MTHFD2L: variants seen among roughly 807,000 people sequenced by gnomAD.
MTHFD2L encodes methylenetetrahydrofolate dehydrogenase (NADP+ dependent) 2 like.
A neutral mutation model predicts 34.9 loss-of-function variants in MTHFD2L; 29 were observed. The ratio of observed to expected loss-of-function variants is 0.83; its 90% CI spans 0.62 to 1.13. MTHFD2L has a LOEUF of 1.13. Ranked by LOEUF, MTHFD2L falls within the 50% of genes most tolerant of loss-of-function variation. The pLI is 0.00. For synonymous variants in MTHFD2L, 167 were observed against 155.7 expected (o/e 1.07, Z -0.54); for missense variants, 481 against 446.5 (o/e 1.08, Z -0.70).
intron 2 of MTHFD2L, among the ~76,000 whole-genome samples, chr4:74,115,096 T>C (rs1331853769): frequency 6.6e-6 from 1 of 152,108 alleles, no homozygotes; most frequent in African/African-American, 2.4e-5. Flanking sequence ...GAAATGATGG[T>C]ATTAGGGGGA....
chr4:74,158,289 G>A lies in MTHFD2L; in HGVS notation c.143+8G>A. The stretch of plus-strand genomic sequence containing the variant: ...TCGGAGCAGCGGTGTGAGGTACGAG[G>A]GCTGCGGGCGCCGGGTGCGGAGCCG... On this transcript the variant is annotated splice_region_variant and intron_variant, in intron 1 of 7. Coordinates refer to ENST00000325278, the MANE Select transcript of MTHFD2L (RefSeq NM_001144978.3). The A allele has an allele frequency of 7.7e-7, 1 of 1,304,596 alleles. No homozygotes were observed. Among genetic ancestry groups the A allele is most frequent in the Non-Finnish European group, 9.7e-7 (1 of 1,026,054 alleles). The allele number at this position is 1,304,596 out of a possible 1,614,324, so 80.8% of individuals were successfully genotyped here.
chr4:74,206,414 G>A (rs1035028207), intron 5 of MTHFD2L, among the ~76,000 whole-genome samples: 2 of 152,088 alleles, frequency 1.3e-5, no homozygotes, highest in Non-Finnish European at 2.9e-5. Context: ...TCCAGACTTA[G>A]TCTGTCTGTC....
chr4:74,139,396 G>A (rs1723146397), intron 1 of MTHFD2L, among the ~76,000 whole-genome samples: 1 of 152,184 alleles, frequency 6.6e-6, no homozygotes, highest in Non-Finnish European at 1.5e-5. Context: ...CCAGGGCTAG[G>A]GATGGTAGTG....
chr4:74,302,906 A>G lies in MTHFD2L; in HGVS notation c.*1097A>G, dbSNP rs2078520315. ...ATATATATGAATGTCGTTGAAGTCT[A>G]TTTTGAGACTGCTAAAGCTATTAAT... On this transcript the variant is annotated 3_prime_UTR_variant, in exon 8 of 8. Coordinates refer to ENST00000325278, the MANE Select transcript of MTHFD2L (RefSeq NM_001144978.3). 1 of 152,128 alleles carries G rather than the reference A, an allele frequency of 6.6e-6. No individual in the cohort carries two copies. The highest frequency in any genetic ancestry group is 1.5e-5 in the Non-Finnish European group (1 of 68,000). 9.4% of individuals were successfully genotyped at this position (152,128 alleles called of 1,614,324 possible).
intron 6 of MTHFD2L, among the ~76,000 whole-genome samples, chr4:74,280,897 A>C (rs1747370735): frequency 6.6e-6 from 1 of 152,140 alleles, no homozygotes; most frequent in Non-Finnish European, 1.5e-5. Flanking sequence ...ATGAGATGCC[A>C]TTATGAGTAT....
intron 5 of MTHFD2L, among the ~76,000 whole-genome samples, chr4:74,203,424 C>T (rs1444913313): frequency 6.6e-6 from 1 of 152,098 alleles, no homozygotes; most frequent in Non-Finnish European, 1.5e-5. Context: ...TTAGTCTGTT[C>T]TTGCATTGCT....
At chr4:74,165,208 TTA>T (rs1470279061) in intron 1 of MTHFD2L, 1 of 155,890 alleles carries the variant, frequency 6.4e-6, no homozygotes, top group African/African-American at 2.4e-5. Context: ...ATTTATATCC[TTA>T]TGTGTTAAAA....
At position 74,282,094 on chromosome 4, in the gene MTHFD2L, G is replaced by A. The variant is rs1348191503; in HGVS notation, c.931+544G>A. On this transcript the variant is annotated intron_variant, in intron 7 of 7. Transcript: ENST00000325278. ...GCTAAAGTTTTTGTGGTCGATGAAA[G>A]ATACAAGGCAACAAATATGTAGTAG... 2.0e-5 allele frequency among the ~76,000 whole-genome samples: 3 copies of A among 152,122 alleles called. 1 individual carries two copies. The East Asian group carries it at 5.8e-4, about 30-fold the overall frequency.
chr4:74,289,827 G>A (rs536662595), intron 7 of MTHFD2L, among the ~76,000 whole-genome samples: 2 of 152,226 alleles, frequency 1.3e-5, no homozygotes, highest in African/African-American at 4.8e-5. Flanking sequence ...TTTGGAATAA[G>A]CAAGAGTGGA....
chr4:74,262,077 C>G (rs6446983), intron 6 of MTHFD2L, among the ~76,000 whole-genome samples: 56,327 of 151,586 alleles, frequency 0.37, 13,319 homozygotes, highest in African/African-American at 0.68. Context: ...GATGAAAAAA[C>G]AAACACACAT....
chr4:74,129,458 T>C (rs1166937831), intron 1 of MTHFD2L, among the ~76,000 whole-genome samples: 1 of 152,062 alleles, frequency 6.6e-6, no homozygotes, highest in Non-Finnish European at 1.5e-5. Context: ...ACCACACAAC[T>C]ACATGGAAAC....
chr4:74,195,805 A>G (rs184942057), intron 3 of MTHFD2L: 247 of 154,870 alleles, frequency 1.6e-3, no homozygotes, highest in Non-Finnish European at 3.0e-3. Context: ...GGCGGGGACA[A>G]CTTGAAGCAG....
chr4:74,295,588 T>G (rs1749531353), intron 7 of MTHFD2L, among the ~76,000 whole-genome samples: 1 of 152,210 alleles, frequency 6.6e-6, no homozygotes, highest in East Asian at 1.9e-4. Context: ...CATTTGATTT[T>G]ATGCTGCCTG....
intron 2 of MTHFD2L, among the ~76,000 whole-genome samples, chr4:74,117,162 C>T (rs1721668666): frequency 6.6e-6 from 1 of 152,196 alleles, no homozygotes; most frequent in Non-Finnish European, 1.5e-5. Context: ...GCTTCATAGC[C>T]ATGACAACAA....
At chr4:74,190,244 G>A (rs564207983) in intron 3 of MTHFD2L, among the ~76,000 whole-genome samples, 1 of 152,142 alleles carries the variant, frequency 6.6e-6, no homozygotes, top group East Asian at 1.9e-4. Flanking sequence ...GTTACCAAGG[G>A]CTCAATAAAC....
At chr4:74,126,137 C>T (rs531301209) in intron 1 of MTHFD2L, among the ~76,000 whole-genome samples, 3 of 152,226 alleles carry the variant, frequency 2.0e-5, no homozygotes, top group Admixed American at 2.0e-4. Flanking sequence ...TACTGTAAGT[C>T]CTCACTTAAC....
At chr4:74,159,952 G>T (rs1351018769) in intron 1 of MTHFD2L, 17 of 623,316 alleles carry the variant, frequency 2.7e-5, no homozygotes, top group South Asian at 2.6e-4. Context: ...CTGAAGGTGA[G>T]GTTGGCCCCA....
chr4:74,211,908 T>C (rs943158874), intron 5 of MTHFD2L, among the ~76,000 whole-genome samples: 1 of 152,090 alleles, frequency 6.6e-6, no homozygotes, highest in South Asian at 2.1e-4. Flanking sequence ...CCTGGTTTAG[T>C]GTTGGGAGGG....
intron 1 of MTHFD2L, among the ~76,000 whole-genome samples, chr4:74,159,409 A>T (rs1357608264): frequency 6.6e-6 from 1 of 152,232 alleles, no homozygotes; most frequent in Admixed American, 6.5e-5. Flanking sequence ...TTTGTTTTAA[A>T]GAATTGAGGA....
Sources: gnomAD v4.1 joint callset for allele counts (sites outside exome capture counted in the v4.1 genomes callset) on GRCh38, gnomAD v4.1.1 for gene constraint, MANE v1.5 for transcripts, NCBI Gene and HGNC (gene_info 2026-07-23, HGNC 2026-07-21) for gene names.